The following C16orf74 variants were observed in gnomAD, a reference collection of about 807,000 sequenced individuals.
C16orf74 encodes calcimembrin, also known as uncharacterized protein C16orf74.
A neutral mutation model predicts 6.5 loss-of-function variants in C16orf74; 10 were observed. The observed-to-expected ratio is 1.54, with a 90% CI of 0.95 to 2.61. C16orf74 has a LOEUF of 2.61. C16orf74 is among the 30% of genes most tolerant of loss of function. The probability of loss-of-function intolerance (pLI) is 0.00; values close to 1 mark genes in which losing one functional copy is unlikely to be tolerated. For missense variants in C16orf74, 141 were observed against 105.9 expected (o/e 1.33, Z -1.45); for synonymous variants, 60 against 42.5 (o/e 1.41, Z -1.60).
Position 85,707,768 on chromosome 16 carries a change from C to T in C16orf74, c.*240G>A. 1 of 543,144 alleles carries T rather than the reference C, an allele frequency of 1.8e-6. No homozygotes were observed. The highest frequency in any genetic ancestry group is 3.3e-6 in the Non-Finnish European group (1 of 304,522). The allele number at this position is 543,144 out of a possible 1,614,324, so 33.6% of individuals were successfully genotyped here. A position where few individuals can be genotyped will look rare whatever the true frequency, so the allele number is the denominator to read the frequency against. On this transcript the variant is annotated 3_prime_UTR_variant, in exon 4 of 4. Transcript: ENST00000284245. ...GCGCTCCCTTTCACCAGGCCGGAGT[C>T]AGCAAGAACCTGGAGGTGTCAGAGG...
intron 1 of C16orf74, among the ~76,000 whole-genome samples, chr16:85,735,954 A>G (rs769961885): frequency 1.1e-4 from 17 of 152,128 alleles, no homozygotes; most frequent in Non-Finnish European, 1.8e-4. Flanking sequence ...CACAAAAATC[A>G]GGGCTCAGAG....
intron 3 of C16orf74, among the ~76,000 whole-genome samples, chr16:85,709,532 A>T: frequency 1.1e-5 from 1 of 90,216 alleles, no homozygotes; most frequent in African/African-American, 4.6e-5. Context: ...ATTATTATTC[A>T]TAGCAGCAGC....
chr16:85,723,420 G>C (rs940217687), intron 2 of C16orf74, among the ~76,000 whole-genome samples: 5 of 150,782 alleles, frequency 3.3e-5, no homozygotes, highest in African/African-American at 1.2e-4. Flanking sequence ...AAAAAAAAAA[G>C]TTAAATGCTT....
chr16:85,726,413 C>G (rs1257628750), intron 2 of C16orf74, among the ~76,000 whole-genome samples: 1 of 152,216 alleles, frequency 6.6e-6, no homozygotes, highest in Non-Finnish European at 1.5e-5. Context: ...GGAACAGCGA[C>G]TGTGCGTTGG....
chr16:85,717,180 C>T (rs2054033928), intron 2 of C16orf74, among the ~76,000 whole-genome samples: 1 of 152,240 alleles, frequency 6.6e-6, no homozygotes, highest in Non-Finnish European at 1.5e-5. Context: ...GCTGGATTTC[C>T]ACATGGGTTA....
chr16:85,741,626 C>T (rs1475598096), intron 1 of C16orf74: 1 of 170,492 alleles, frequency 5.9e-6, no homozygotes, highest in Non-Finnish European at 1.5e-5. Flanking sequence ...TGAACTTGCC[C>T]TCATTGTCAT....
intron 3 of C16orf74, 133 bp downstream of exon 3, chr16:85,710,031 A>T: frequency 1.4e-6 from 1 of 717,330 alleles, no homozygotes. Flanking sequence ...AGGTCTGACC[A>T]TAAATGTTTA....
intron 2 of C16orf74, among the ~76,000 whole-genome samples, chr16:85,727,670 C>T (rs182189577): frequency 2.6e-4 from 39 of 151,818 alleles, no homozygotes; most frequent in African/African-American, 6.8e-4. Flanking sequence ...AAAAATAAGC[C>T]GGGTGTGGTG....
intron 2 of C16orf74, among the ~76,000 whole-genome samples, chr16:85,727,621 G>T (rs932597846): frequency 6.6e-6 from 1 of 150,384 alleles, no homozygotes; most frequent in South Asian, 2.1e-4. Context: ...ACCAACCTGC[G>T]CAACATGGTA....
At position 85,736,053 on chromosome 16, in the gene C16orf74, G is replaced by T. The variant is rs77505759; in HGVS notation, c.-18-818C>A. The stretch of plus-strand genomic sequence containing the variant: ...AGGACTGTCCTAATCCCTAGGCTGG[G>T]GCCCCACCCCACAGGGGCCTGTAGT... On this transcript the variant is annotated intron_variant, in intron 1 of 3. Transcript: ENST00000284245. Among the ~76,000 whole-genome samples, 1,002 of 152,206 alleles carry T rather than the reference G, an allele frequency of 6.6e-3. 11 individuals are homozygous for T. The highest frequency in any genetic ancestry group is 0.023 in the African/African-American group (950 of 41,528).
intron 1 of C16orf74, among the ~76,000 whole-genome samples, chr16:85,737,352 G>A (rs1271481559): frequency 6.6e-6 from 1 of 152,178 alleles, no homozygotes; most frequent in Non-Finnish European, 1.5e-5. Context: ...CCACACTACA[G>A]CCAAGAAGAG....
chr16:85,713,401 T>C (rs2053989045), intron 2 of C16orf74, among the ~76,000 whole-genome samples: 1 of 152,168 alleles, frequency 6.6e-6, no homozygotes, highest in South Asian at 2.1e-4. Context: ...GCCTCCCAAG[T>C]AGTTGGGATT....
chr16:85,714,188 C>A (rs948929566), intron 2 of C16orf74, among the ~76,000 whole-genome samples: 7 of 152,008 alleles, frequency 4.6e-5, no homozygotes, highest in Non-Finnish European at 8.8e-5. Flanking sequence ...GGAGAGACGG[C>A]CACGGTCCCT....
intron 1 of C16orf74, among the ~76,000 whole-genome samples, chr16:85,739,503 G>C (rs1178072149): frequency 6.6e-6 from 1 of 152,240 alleles, no homozygotes; most frequent in East Asian, 1.9e-4. Flanking sequence ...GTGGGGCACA[G>C]GGAGGCGTCA....
At chr16:85,711,220 G>C (rs2053966520) in intron 2 of C16orf74, among the ~76,000 whole-genome samples, 1 of 151,500 alleles carries the variant, frequency 6.6e-6, no homozygotes, top group Non-Finnish European at 1.5e-5. Context: ...AGCTGAAGCA[G>C]GAGGAGAATC....
chr16:85,748,179 C>A (rs1434925506), intron 1 of C16orf74, among the ~76,000 whole-genome samples: 1 of 144,912 alleles, frequency 6.9e-6, no homozygotes, highest in Non-Finnish European at 1.5e-5. Context: ...TATATATATA[C>A]ACATACATAC....
chr16:85,710,272 G>GGCT lies in C16orf74; in HGVS notation c.61_63dup (p.Ser21dup), dbSNP rs751825593. ...TCGTTCAGGACGGGGGCCTCGTCGTGGCTGCTGCTGCTGCTGCTGACACAC... is the reference window on the plus strand; with the variant it reads ...TCGTTCAGGACGGGGGCCTCGTCGTGGCTGCTGCTGCTGCTGCTGCTGACACAC... On this transcript the variant is annotated inframe_insertion, in exon 3 of 4. Coordinates refer to ENST00000284245, the MANE Select transcript of C16orf74 (RefSeq NM_206967.3). 48 of 1,509,906 alleles carry GGCT rather than the reference G, an allele frequency of 3.2e-5. No individual in the cohort carries two copies. The highest frequency in any genetic ancestry group is 1.9e-4 in the African/African-American group (13 of 69,078). 93.5% of individuals were successfully genotyped at this position (1,509,906 alleles called of 1,614,324 possible).
rs2053967737 is a variant in C16orf74 at position 85,711,335 on chromosome 16, C to T, written c.29-1028G>A. On this transcript the variant is annotated intron_variant, in intron 2 of 3. Transcript: ENST00000284245. The stretch of plus-strand genomic sequence containing the variant: ...CATCTTAAAAAAAAAAAAAAAAAGG[C>T]TGGGCGTGGTGGCTCATACCTGTAA... Among the ~76,000 whole-genome samples the T allele has an allele frequency of 2.3e-5, 3 of 128,398 alleles. No homozygotes were observed. In the South Asian group the frequency reaches 7.8e-4, roughly 33 times the overall value. 84.2% of individuals were successfully genotyped at this position (128,398 alleles called of 152,430 possible).
At chr16:85,733,254 G>C (rs545021469) in intron 2 of C16orf74, among the ~76,000 whole-genome samples, 1 of 152,368 alleles carries the variant, frequency 6.6e-6, no homozygotes. Flanking sequence ...CATGTTCAAT[G>C]TGGATGAGCC....
Sources: gnomAD v4.1 joint callset for allele counts (sites outside exome capture counted in the v4.1 genomes callset) on GRCh38, gnomAD v4.1.1 for gene constraint, MANE v1.5 for transcripts, NCBI Gene and HGNC (gene_info 2026-07-23, HGNC 2026-07-21) for gene names.